CADPS: variants seen among roughly 807,000 people sequenced by gnomAD.
The protein encoded by CADPS is calcium-dependent secretion activator 1.
Under a neutral mutation model 167.3 loss-of-function variants are expected in CADPS, and 57 were observed. That is an observed-to-expected ratio of 0.34 (90% confidence interval 0.28 to 0.42). CADPS has a LOEUF of 0.42. Ranked by LOEUF, CADPS falls within the 20% of genes least tolerant of loss-of-function variation. The pLI is 1.00. For synonymous variants in CADPS, 676 were observed against 635.3 expected (o/e 1.06, Z -0.96); for missense variants, 1,414 against 1,738.1 (o/e 0.81, Z 3.32).
At chr3:62,586,502 C>T (rs563174737) in intron 7 of CADPS, among the ~76,000 whole-genome samples, 10 of 152,156 alleles carry the variant, frequency 6.6e-5, no homozygotes, top group Middle Eastern at 6.8e-3. Flanking sequence ...AGGAGGAGGC[C>T]ATGGCAGAAA....
At chr3:62,814,426 T>A (rs1312369781) in intron 1 of CADPS, 2 of 152,134 alleles carry the variant, frequency 1.3e-5, no homozygotes, top group African/African-American at 2.4e-5. Context: ...TTGGAAAGAT[T>A]ACAAAGAAGA....
chr3:62,720,244 C>T (rs493639), intron 3 of CADPS, among the ~76,000 whole-genome samples: 142,727 of 152,222 alleles, frequency 0.94, 66,964 homozygotes, highest in African/African-American at 0.94. Flanking sequence ...ATGTGTCAGA[C>T]ATAGGCTTTA....
chr3:62,774,684 G>C (rs2089825245), intron 1 of CADPS, among the ~76,000 whole-genome samples: 1 of 152,124 alleles, frequency 6.6e-6, no homozygotes, highest in African/African-American at 2.4e-5. Flanking sequence ...CAAAATAATA[G>C]TGAAGAAATA....
intron 3 of CADPS, among the ~76,000 whole-genome samples, chr3:62,675,715 G>A (rs1383658222): frequency 6.6e-6 from 1 of 152,096 alleles, no homozygotes; most frequent in Non-Finnish European, 1.5e-5. Context: ...CCCAGCCTGA[G>A]AAACACTTTA....
chr3:62,682,099 C>G (rs2077235012), intron 3 of CADPS, among the ~76,000 whole-genome samples: 1 of 151,962 alleles, frequency 6.6e-6, no homozygotes, highest in African/African-American at 2.4e-5. Flanking sequence ...TTTGGCAGCA[C>G]AAGGGACAGA....
intron 4 of CADPS, among the ~76,000 whole-genome samples, chr3:62,652,782 T>C (rs2070557514): frequency 6.6e-6 from 1 of 152,014 alleles, no homozygotes; most frequent in Non-Finnish European, 1.5e-5. Flanking sequence ...AACTCTGACT[T>C]TTATCATTTT....
chr3:62,701,960 C>T (rs2081477726), intron 3 of CADPS, among the ~76,000 whole-genome samples: 1 of 152,166 alleles, frequency 6.6e-6, no homozygotes, highest in South Asian at 2.1e-4. Flanking sequence ...AATATCTCCA[C>T]AGGTAGCTAC....
intron 3 of CADPS, among the ~76,000 whole-genome samples, chr3:62,741,480 G>A (rs973475902): frequency 3.9e-5 from 6 of 152,062 alleles, no homozygotes; most frequent in African/African-American, 1.2e-4. Context: ...TATACAAATC[G>A]ATAAATGTGA....
intron 3 of CADPS, among the ~76,000 whole-genome samples, chr3:62,750,618 T>G (rs1352112305): frequency 6.6e-6 from 1 of 152,180 alleles, no homozygotes. Flanking sequence ...AAAGCACAAA[T>G]GAAAATCATA....
At chr3:62,404,506 T>C in intron 28 of CADPS, 1 of 152,352 alleles carries the variant, frequency 6.6e-6, no homozygotes, top group Non-Finnish European at 1.5e-5. Context: ...AAGGTAGAAC[T>C]GCCAAGTTTC....
intron 1 of CADPS, among the ~76,000 whole-genome samples, chr3:62,800,215 T>C (rs1375622089): frequency 6.6e-6 from 1 of 152,176 alleles, no homozygotes; most frequent in Admixed American, 6.5e-5. Flanking sequence ...TTTCGTGTCA[T>C]CTGCCAGCAT....
intron 26 of CADPS, among the ~76,000 whole-genome samples, chr3:62,452,446 C>G (rs1199309792): frequency 6.6e-6 from 1 of 152,180 alleles, no homozygotes; most frequent in African/African-American, 2.4e-5. Flanking sequence ...AGCTCAGATA[C>G]AGAATACTGC....
intron 13 of CADPS, among the ~76,000 whole-genome samples, chr3:62,526,017 A>C (rs1467429374): frequency 6.6e-6 from 1 of 152,076 alleles, no homozygotes; most frequent in Non-Finnish European, 1.5e-5. Context: ...ATAGAAATTG[A>C]ATTGTTGTGA....
At chr3:62,597,383 T>G (rs540554754) in intron 6 of CADPS, among the ~76,000 whole-genome samples, 5 of 152,104 alleles carry the variant, frequency 3.3e-5, no homozygotes, top group African/African-American at 7.2e-5. Flanking sequence ...AAAAGATACC[T>G]CTTTGGGCAT....
chr3:62,790,646 C>G (rs1436141583), intron 1 of CADPS, among the ~76,000 whole-genome samples: 1 of 152,180 alleles, frequency 6.6e-6, no homozygotes, highest in Non-Finnish European at 1.5e-5. Context: ...CCTGTTTGAG[C>G]CTTCCTTTAC....
intron 9 of CADPS, among the ~76,000 whole-genome samples, chr3:62,565,407 C>T (rs1562235031): frequency 1.3e-5 from 2 of 152,154 alleles, no homozygotes; most frequent in Non-Finnish European, 2.9e-5. Flanking sequence ...AGACCCTTCA[C>T]TTTAAGCGGG....
At chr3:62,755,989 TCTAA>T (rs535336007) in intron 2 of CADPS, among the ~76,000 whole-genome samples, 194 of 152,204 alleles carry the variant, frequency 1.3e-3, no homozygotes, top group Non-Finnish European at 2.0e-3. Flanking sequence ...CAGGTCTGCC[TCTAA>T]CTTGCTGTGT....
At chr3:62,767,271 A>T (rs2087134509) in intron 1 of CADPS, among the ~76,000 whole-genome samples, 2 of 152,156 alleles carry the variant, frequency 1.3e-5, no homozygotes, top group African/African-American at 2.4e-5. Context: ...TCTGTTGGCC[A>T]CTGTGTCATC....
chr3:62,813,068 C>A (rs2094458350), intron 1 of CADPS, among the ~76,000 whole-genome samples: 1 of 152,008 alleles, frequency 6.6e-6, no homozygotes, highest in African/African-American at 2.4e-5. Context: ...AATGCTATTT[C>A]TATCAAATTA....
Sources: gnomAD v4.1 joint callset for allele counts (sites outside exome capture counted in the v4.1 genomes callset) on GRCh38, gnomAD v4.1.1 for gene constraint, MANE v1.5 for transcripts, NCBI Gene and HGNC (gene_info 2026-07-23, HGNC 2026-07-21) for gene names.